SGSH: variants seen among roughly 807,000 people sequenced by gnomAD.
SGSH encodes N-sulfoglucosamine sulfohydrolase.
SGSH carries 48 observed loss-of-function variants against 51.0 expected under a neutral mutation model. That is an observed-to-expected ratio of 0.94 (90% CI 0.75 to 1.20). The LOEUF is 1.20. SGSH is among the 50% of genes most tolerant of loss of function. The pLI is 0.00. For synonymous variants in SGSH, 321 were observed against 313.4 expected (o/e 1.02, Z -0.26); for missense variants, 662 against 717.8 (o/e 0.92, Z 0.89).
the SGSH span, chr17:80,201,501 T>C: frequency 9.4e-6 from 5 of 534,148 alleles, no homozygotes; most frequent in African/African-American, 2.0e-5. The surrounding 1 kb of genome is among the most constrained non-coding windows in gnomAD (Gnocchi z 5.0). Context: ...GAACCCCCGA[T>C]CTCGACTGGG....
chr17:80,214,999 AC>A (rs1176272231), intron 3 of SGSH, 33 bp downstream of exon 3: 1 of 1,571,380 alleles, frequency 6.4e-7, no homozygotes, highest in African/African-American at 1.3e-5. Flanking sequence ...TCTGTGCCTC[AC>A]CCCACGCCCT....
At chr17:80,207,147 CA>C, downstream of SGSH, 5 of 1,209,836 alleles carry the variant, frequency 4.1e-6, no homozygotes, top group Non-Finnish European at 6.1e-6. Context: ...CCCCAAAGCC[CA>C]CGGCAGGTGC....
At chr17:80,211,878 A>C (rs949180347) in intron 7 of SGSH, 193 bp downstream of exon 7, 1 of 628,600 alleles carries the variant, frequency 1.6e-6, no homozygotes, top group African/African-American at 1.8e-5. Context: ...CCAGCTGTGC[A>C]ATCCTGAGCA....
chr17:80,202,041 C>A, downstream of SGSH: 1 of 1,201,038 alleles, frequency 8.3e-7, no homozygotes, highest in Non-Finnish European at 1.2e-6. Flanking sequence ...CTGGAAACCT[C>A]CCACCCACTG....
chr17:80,208,241 G>A (rs985233044), downstream of SGSH: 1 of 1,576,718 alleles, frequency 6.3e-7, no homozygotes, highest in Admixed American at 1.9e-5. Flanking sequence ...CAGCAGCCTG[G>A]CTCCTGACGG....
downstream of SGSH, among the ~76,000 whole-genome samples, chr17:80,206,276 G>A (rs1201712812): frequency 9.4e-6 from 1 of 105,868 alleles, no homozygotes; most frequent in African/African-American, 3.0e-5. Flanking sequence ...ACCAGCCTGA[G>A]CAACACAGTG....
At position 80,209,865 on chromosome 17, in the gene SGSH, A is replaced by C. The variant is rs1048012853; in HGVS notation, c.*587T>G. On this transcript the variant is annotated 3_prime_UTR_variant, in exon 8 of 8. Coordinates refer to ENST00000326317, the MANE Select transcript of SGSH (RefSeq NM_000199.5). ...CTGCCTGGGGAACAGGGACTTGACC[A>C]TGGGGCAAAACAGAAGAAGCAGAAA... 1.0e-6 allele frequency: 1 copy of C among 989,152 alleles called. No homozygotes were observed. The highest frequency in any genetic ancestry group is 1.7e-5 in the African/African-American group (1 of 57,270). 61.3% of individuals were successfully genotyped at this position (989,152 alleles called of 1,614,324 possible).
At position 80,213,941 on chromosome 17, in the gene SGSH, C is replaced by G; in HGVS notation, c.664-56G>C. 1 of 1,515,404 alleles carries G rather than the reference C, an allele frequency of 6.6e-7. No individual in the cohort carries two copies. Among genetic ancestry groups the G allele is most frequent in the African/African-American group, 1.4e-5 (1 of 73,744 alleles). The allele number at this position is 1,515,404 out of a possible 1,614,324, so 93.9% of individuals were successfully genotyped here. ...AACAGACAGACCGGGGGAGCGGTGTCCAGCCTTCTCCCCGGGGCCTCCTGC... is the reference window on the plus strand; with the variant it reads ...AACAGACAGACCGGGGGAGCGGTGTGCAGCCTTCTCCCCGGGGCCTCCTGC... On this transcript the variant is annotated intron_variant, in intron 5 of 7. Coordinates refer to ENST00000326317, the MANE Select transcript of SGSH (RefSeq NM_000199.5). This position sits in a 1 kb window ranked among gnomAD's most constrained non-coding sequence, Gnocchi z 4.6.
At chr17:80,206,020 G>A (rs182902621), downstream of SGSH, 3 of 182,538 alleles carry the variant, frequency 1.6e-5, no homozygotes, top group South Asian at 1.4e-4. Flanking sequence ...ACGGGAAGCC[G>A]AGTCTGGCAT....
intron 4 of SGSH, 65 bp from the exon 5 acceptor site, chr17:80,214,393 C>T (rs944069393): frequency 1.8e-5 from 28 of 1,553,720 alleles, no homozygotes; most frequent in Middle Eastern, 1.8e-4. Flanking sequence ...GGAAGCCCCT[C>T]GGCTCTGCCT....
chr17:80,213,706 C>A lies in SGSH; in HGVS notation c.745+98G>T, dbSNP rs1400569683. On this transcript the variant is annotated intron_variant, in intron 6 of 7. Coordinates refer to ENST00000326317, the MANE Select transcript of SGSH (RefSeq NM_000199.5). The surrounding 1 kb of genome is among the most constrained non-coding windows in gnomAD (Gnocchi z 4.6). ...CAGCACAGGGCCTGCCACACTGGGACCCTCACCCACATTATGCCGTGACCT... is the reference window on the plus strand; with the variant it reads ...CAGCACAGGGCCTGCCACACTGGGAACCTCACCCACATTATGCCGTGACCT... The A allele has an allele frequency of 9.4e-7, 1 of 1,062,686 alleles. No individual in the cohort carries two copies. Among genetic ancestry groups the A allele is most frequent in the South Asian group, 1.3e-5 (1 of 74,170 alleles). The allele number at this position is 1,062,686 out of a possible 1,614,324, so 65.8% of individuals were successfully genotyped here.
chr17:80,214,338 A>G lies in SGSH; in HGVS notation c.507-10T>C. 6.2e-7 allele frequency: 1 copy of G among 1,610,870 alleles called. No homozygotes were observed. The highest frequency in any genetic ancestry group is 1.1e-5 in the South Asian group (1 of 91,020). ...GTAGAGGAAGAAAGGCCTGCACGGG[A>G]GGAGGCTCATTGCCAAGGCTGCGGG... On this transcript the variant is annotated splice_polypyrimidine_tract_variant and intron_variant, in intron 4 of 7. Coordinates refer to ENST00000326317, the MANE Select transcript of SGSH (RefSeq NM_000199.5).
downstream of SGSH, chr17:80,208,304 G>A (rs759382855): frequency 1.3e-5 from 21 of 1,605,580 alleles, no homozygotes; most frequent in East Asian, 2.2e-5. Context: ...CATCGCCGAC[G>A]AGCAGAAGAA....
intron 1 of SGSH, among the ~76,000 whole-genome samples, chr17:80,217,747 G>C (rs1265855472): frequency 6.6e-6 from 1 of 151,320 alleles, no homozygotes; most frequent in East Asian, 1.9e-4. Flanking sequence ...GGGTATGTTA[G>C]CAGGTAGACT....
At chr17:80,208,374 G>A, downstream of SGSH, 2 of 1,536,588 alleles carry the variant, frequency 1.3e-6, no homozygotes, top group Non-Finnish European at 1.8e-6. Context: ...GGGACTGTGG[G>A]GGCTTCTGTG....
Position 80,212,774 on chromosome 17 carries a change from CAT to C in SGSH, c.746-502_746-501del, listed in dbSNP as rs1327074369. On this transcript the variant is annotated intron_variant, in intron 6 of 7. Coordinates refer to ENST00000326317, the MANE Select transcript of SGSH (RefSeq NM_000199.5). The surrounding 1 kb of genome is among the most constrained non-coding windows in gnomAD (Gnocchi z 5.9). The stretch of plus-strand genomic sequence containing the variant: ...TCCTGTCGTCCCTGACCCCAAAAGA[CAT>C]GTGTGCTGGAATCTGTGAAGGGGTT... 3 of 233,926 alleles carry C rather than the reference CAT, an allele frequency of 1.3e-5. No individual in the cohort carries two copies. Among genetic ancestry groups the C allele is most frequent in the South Asian group, 5.6e-5 (1 of 17,726 alleles). 14.5% of individuals were successfully genotyped at this position (233,926 alleles called of 1,614,324 possible). A position where few individuals can be genotyped will look rare whatever the true frequency, so the allele number is the denominator to read the frequency against.
Position 80,209,414 on chromosome 17 carries a change from G to GC in SGSH, c.*1037dup, listed in dbSNP as rs755197369. 13 of 985,554 alleles carry GC rather than the reference G, an allele frequency of 1.3e-5. No individual in the cohort carries two copies. The highest frequency in any genetic ancestry group is 1.6e-5 in the Non-Finnish European group (13 of 830,020). The allele number at this position is 985,554 out of a possible 1,614,324, so 61.1% of individuals were successfully genotyped here. On this transcript the variant is annotated 3_prime_UTR_variant, in exon 8 of 8. Coordinates refer to ENST00000326317, the MANE Select transcript of SGSH (RefSeq NM_000199.5). ...AAGGGGAGCCCACCTACTCAAGGAA[G>GC]CGCCCTCTCCTTCGAGGGGTGTCCA...
chr17:80,207,763 A>G, downstream of SGSH: 1 of 238,964 alleles, frequency 4.2e-6, no homozygotes, highest in Non-Finnish European at 8.0e-6. Flanking sequence ...AGAGCAGCTC[A>G]GAGGACCATT....
At chr17:80,211,920 TC>T (rs1226347721) in intron 7 of SGSH, 150 bp downstream of exon 7, 1 of 701,156 alleles carries the variant, frequency 1.4e-6, no homozygotes, top group African/African-American at 1.8e-5. Flanking sequence ...CTCATTCTTT[TC>T]CTCTGTAGAG....
Sources: allele counts gnomAD v4.1 joint callset (sites outside exome capture counted in the v4.1 genomes callset), GRCh38; gene constraint gnomAD v4.1.1; non-coding constraint Gnocchi (gnomAD v3.1); transcripts MANE v1.5; gene names NCBI Gene and HGNC (gene_info 2026-07-23, HGNC 2026-07-21).